The following GHR variants were observed in gnomAD, a reference collection of about 807,000 sequenced individuals.
The protein encoded by GHR is growth hormone receptor, also known as GH receptor.
In GHR, 35 loss-of-function variants were observed where a neutral mutation model predicts 67.1. The ratio of observed to expected loss-of-function variants is 0.52; its 90% CI spans 0.40 to 0.69. The LOEUF is 0.69. Among genes scored for constraint, GHR ranks in the 30% least tolerant of loss-of-function variants. The pLI is 0.00. For missense variants in GHR, 792 were observed against 764.6 expected, an observed-to-expected ratio of 1.04 and a Z score of -0.42; for synonymous variants, 272 against 269.1, an observed-to-expected ratio of 1.01 and a Z score of -0.10.
chr5:42,501,340 T>G (rs1435897528), intron 1 of GHR, among the ~76,000 whole-genome samples: 1 of 149,460 alleles, frequency 6.7e-6, no homozygotes, highest in Non-Finnish European at 1.5e-5. Flanking sequence ...TGTATTTAGT[T>G]CTACCTGCAT....
intron 2 of GHR, among the ~76,000 whole-genome samples, chr5:42,598,686 GTGCATAAAT>G (rs1409970818): frequency 1.3e-5 from 2 of 152,146 alleles, no homozygotes; most frequent in Non-Finnish European, 2.9e-5. Context: ...TTAATTTAGT[GTGCATAAAT>G]GGCTATGAGC....
At chr5:42,560,330 A>T (rs1205005512) in intron 1 of GHR, among the ~76,000 whole-genome samples, 1 of 152,062 alleles carries the variant, frequency 6.6e-6, no homozygotes, top group Non-Finnish European at 1.5e-5. Flanking sequence ...ATCAGCTGGG[A>T]CTACAGGTGT....
At chr5:42,619,435 T>C (rs1753329015) in intron 2 of GHR, among the ~76,000 whole-genome samples, 1 of 152,032 alleles carries the variant, frequency 6.6e-6, no homozygotes, top group African/African-American at 2.4e-5. Context: ...CCTTCAGATC[T>C]ATAACAGCCA....
intron 1 of GHR, among the ~76,000 whole-genome samples, chr5:42,519,509 G>A (rs1478022998): frequency 2.0e-5 from 3 of 152,162 alleles, no homozygotes; most frequent in Non-Finnish European, 4.4e-5. Context: ...AAGCTCTGAT[G>A]TAGTTTTATA....
intron 1 of GHR, among the ~76,000 whole-genome samples, chr5:42,488,773 A>C (rs1745988896): frequency 6.6e-6 from 1 of 152,228 alleles, no homozygotes; most frequent in Non-Finnish European, 1.5e-5. Flanking sequence ...CTTGACCCAG[A>C]GAAGTCATCA....
chr5:42,423,478 G>A lies in GHR; in HGVS notation c.-489G>A, dbSNP rs758008616. Among the ~76,000 whole-genome samples the A allele has an allele frequency of 3.9e-5, 6 of 152,202 alleles. No individual in the cohort carries two copies. Among genetic ancestry groups the A allele is most frequent in the Non-Finnish European group, 7.3e-5 (5 of 68,042 alleles). ...CGCACCAACTCCAGCTCCTCGCCGG[G>A]AAGACTTCATCCCAGCAACTCGGAA... is the stretch of plus-strand genomic sequence containing the variant. On this transcript the variant is annotated 5_prime_UTR_variant, in exon 1 of 10. Coordinates refer to ENST00000230882, the MANE Select transcript of GHR (RefSeq NM_000163.5).
At chr5:42,649,135 G>A (rs528808359) in intron 3 of GHR, among the ~76,000 whole-genome samples, 1 of 152,286 alleles carries the variant, frequency 6.6e-6, no homozygotes, top group East Asian at 1.9e-4. Context: ...ATACTTACTA[G>A]CTGTGGGATT....
chr5:42,588,144 C>A (rs1225433708), intron 2 of GHR, among the ~76,000 whole-genome samples: 4 of 152,142 alleles, frequency 2.6e-5, no homozygotes, highest in African/African-American at 9.7e-5. Flanking sequence ...CATACTGATG[C>A]AGATTCTGCA....
chr5:42,712,459 T>A (rs1758509619), intron 7 of GHR, among the ~76,000 whole-genome samples: 4 of 152,198 alleles, frequency 2.6e-5, no homozygotes, highest in African/African-American at 9.6e-5. Context: ...TTTTCCTGAA[T>A]ATGTCATTGA....
intron 1 of GHR, among the ~76,000 whole-genome samples, chr5:42,430,972 G>A (rs1188146095): frequency 1.3e-5 from 2 of 152,054 alleles, no homozygotes; most frequent in South Asian, 4.2e-4. Context: ...CCTTTAATGG[G>A]CTTTGCAGTT....
At position 42,638,026 on chromosome 5, in the gene GHR, G is replaced by A. The variant is rs62371994; in HGVS notation, c.136+8923G>A. On this transcript the variant is annotated intron_variant, in intron 3 of 9. Transcript: ENST00000230882. ...GCGATTTCGGCTCACTGCACTCTCC[G>A]CCTCCCAGGTTCAAGCAATTTGCCT... 1.4e-3 allele frequency among the ~76,000 whole-genome samples: 206 copies of A among 152,118 alleles called. 1 individual carries two copies. The highest frequency in any genetic ancestry group is 2.6e-3 in the Non-Finnish European group (180 of 68,016).
rs1055259324 is a variant in GHR at position 42,719,796 on chromosome 5, G to A, written c.*372G>A. The A allele has an allele frequency of 3.2e-5, 9 of 281,182 alleles. No homozygotes were observed. The highest frequency in any genetic ancestry group is 6.6e-5 in the African/African-American group (3 of 45,452). 17.4% of individuals were successfully genotyped at this position (281,182 alleles called of 1,614,324 possible). ...AAATCAGGTGGCTTTTGCGGTTCAG[G>A]AAAATTGAATGCAAACCATAGCACA... is the stretch of plus-strand genomic sequence containing the variant. On this transcript the variant is annotated 3_prime_UTR_variant, in exon 10 of 10. Coordinates refer to ENST00000230882, the MANE Select transcript of GHR (RefSeq NM_000163.5).
chr5:42,698,471 C>T (rs188956498), intron 5 of GHR, among the ~76,000 whole-genome samples: 2 of 152,310 alleles, frequency 1.3e-5, no homozygotes, highest in East Asian at 3.9e-4. Flanking sequence ...ATTATATCGG[C>T]ATATGTAGTT....
intron 3 of GHR, among the ~76,000 whole-genome samples, chr5:42,658,475 C>G (rs1561203245): frequency 6.6e-6 from 1 of 152,174 alleles, no homozygotes; most frequent in Non-Finnish European, 1.5e-5. Context: ...AAAAACTTAG[C>G]ACAAAGTAGG....
chr5:42,438,645 A>C (rs943095836), intron 1 of GHR, among the ~76,000 whole-genome samples: 10 of 152,200 alleles, frequency 6.6e-5, no homozygotes, highest in Non-Finnish European at 1.3e-4. Flanking sequence ...ACAGCTTCAA[A>C]TGAGGACCTG....
At chr5:42,604,569 T>C (rs764844765) in intron 2 of GHR, among the ~76,000 whole-genome samples, 14 of 152,154 alleles carry the variant, frequency 9.2e-5, no homozygotes, top group Non-Finnish European at 2.1e-4. Context: ...GAATAGAGGG[T>C]AAGAGAAAGT....
chr5:42,574,100 G>A (rs968496762), intron 2 of GHR, among the ~76,000 whole-genome samples: 1 of 152,166 alleles, frequency 6.6e-6, no homozygotes, highest in African/African-American at 2.4e-5. Context: ...TCCTCTACAT[G>A]CCACTGACCC....
At chr5:42,609,327 T>C (rs935181787) in intron 2 of GHR, among the ~76,000 whole-genome samples, 1 of 152,114 alleles carries the variant, frequency 6.6e-6, no homozygotes, top group Admixed American at 6.5e-5. Context: ...TTCTGGGCAA[T>C]GTCATCTGTA....
intron 8 of GHR, among the ~76,000 whole-genome samples, chr5:42,717,725 A>G (rs1758788266): frequency 6.6e-6 from 1 of 152,182 alleles, no homozygotes; most frequent in African/African-American, 2.4e-5. Flanking sequence ...CTTTAGATGA[A>G]ATTAAATTTC....
Sources: allele counts gnomAD v4.1 joint callset (sites outside exome capture counted in the v4.1 genomes callset), GRCh38; gene constraint gnomAD v4.1.1; transcripts MANE v1.5; gene names NCBI Gene and HGNC (gene_info 2026-07-23, HGNC 2026-07-21).